ROBO2: variants seen among roughly 807,000 people sequenced by gnomAD.
The protein encoded by ROBO2 is roundabout guidance receptor 2, also known as roundabout homolog 2.
ROBO2 carries 53 observed loss-of-function variants against 160.8 expected under a neutral mutation model. The ratio of observed to expected loss-of-function variants is 0.33; its 90% CI spans 0.26 to 0.41. ROBO2 has a LOEUF of 0.41. ROBO2 is among the 10% of genes least tolerant of loss of function. ROBO2 has a pLI of 1.00. For missense variants in ROBO2, 1,577 were observed against 1,722.4 expected, an observed-to-expected ratio of 0.92 and a Z score of 1.49; for synonymous variants, 664 against 611.7, an observed-to-expected ratio of 1.09 and a Z score of -1.26.
At chr3:77,579,978 A>G (rs755939713) in exon 16 of ROBO2, 1 of 1,613,842 alleles carries the variant, frequency 6.2e-7, no homozygotes, top group Non-Finnish European at 8.5e-7. Context: ...ACGCGATTCC[A>G]TATCAACAAA....
chr3:76,819,015 G>A (rs2109097215), intron 2 of ROBO2, among the ~76,000 whole-genome samples: 1 of 152,092 alleles, frequency 6.6e-6, no homozygotes, highest in African/African-American at 2.4e-5. Flanking sequence ...TCAGAACCCA[G>A]GATAATGCAT....
intron 2 of ROBO2, among the ~76,000 whole-genome samples, chr3:76,036,800 G>A (rs9837282): frequency 0.013 from 2,024 of 152,040 alleles, 66 homozygotes; most frequent in African/African-American, 0.047. Flanking sequence ...CACTGTGCCC[G>A]GCCATTTCTC....
At chr3:76,121,882 A>C (rs576250582) in intron 2 of ROBO2, among the ~76,000 whole-genome samples, 1 of 152,150 alleles carries the variant, frequency 6.6e-6, no homozygotes, top group Non-Finnish European at 1.5e-5. Context: ...AGCCAAATAG[A>C]CTCTCTGAAT....
intron 2 of ROBO2, among the ~76,000 whole-genome samples, chr3:75,995,375 A>G (rs573168173): frequency 6.6e-6 from 1 of 152,302 alleles, no homozygotes; most frequent in African/African-American, 2.4e-5. Flanking sequence ...CCATTGCTTC[A>G]GAGGGTGCAA....
intron 2 of ROBO2, among the ~76,000 whole-genome samples, chr3:76,081,786 C>T (rs2068840904): frequency 6.6e-6 from 1 of 151,794 alleles, no homozygotes; most frequent in South Asian, 2.1e-4. Context: ...TAAGTTTGTA[C>T]AATTTCCCTT....
At chr3:77,371,242 A>G (rs1374243451) in intron 2 of ROBO2, among the ~76,000 whole-genome samples, 2 of 152,226 alleles carry the variant, frequency 1.3e-5, no homozygotes, top group Non-Finnish European at 2.9e-5. Context: ...ATCTCAAAAC[A>G]TAATTATGCA....
intron 2 of ROBO2, among the ~76,000 whole-genome samples, chr3:76,622,403 T>G (rs1445170294): frequency 6.6e-6 from 1 of 151,924 alleles, no homozygotes; most frequent in African/African-American, 2.4e-5. Flanking sequence ...AGTTCAAGGA[T>G]AGCATGAGCC....
intron 1 of ROBO2, chr3:75,906,984 C>T (rs1388593510): frequency 1.3e-5 from 2 of 152,336 alleles, no homozygotes; most frequent in African/African-American, 2.4e-5. Context: ...AGAGGTGAAC[C>T]GAGGGGTCTC....
intron 2 of ROBO2, among the ~76,000 whole-genome samples, chr3:76,126,037 C>A (rs2070971806): frequency 6.6e-6 from 1 of 151,974 alleles, no homozygotes; most frequent in African/African-American, 2.4e-5. Context: ...ATGTCTCTGA[C>A]CTCTGATCTC....
intron 2 of ROBO2, among the ~76,000 whole-genome samples, chr3:76,900,474 A>G (rs555964076): frequency 1.3e-5 from 2 of 152,206 alleles, no homozygotes; most frequent in East Asian, 3.9e-4. Context: ...CAATAAAAGT[A>G]TTTTCAATGT....
chr3:76,073,853 G>T (rs1280921189), intron 2 of ROBO2, among the ~76,000 whole-genome samples: 2 of 152,010 alleles, frequency 1.3e-5, no homozygotes, highest in Non-Finnish European at 2.9e-5. Context: ...ATGTGAACAA[G>T]GGTTCCCTTT....
Position 77,634,539 on chromosome 3 carries a change from A to G in ROBO2, c.3761-331A>G, listed in dbSNP as rs144761321. 644 of 287,758 alleles carry G rather than the reference A, an allele frequency of 2.2e-3. 1 individual carries two copies. Among genetic ancestry groups the G allele is most frequent in the Non-Finnish European group, 3.3e-3 (493 of 147,718 alleles). The allele number at this position is 287,758 out of a possible 1,614,324, so 17.8% of individuals were successfully genotyped here. A position where few individuals can be genotyped will look rare whatever the true frequency, so the allele number is the denominator to read the frequency against. ...AAATAAAAACTGCATGAATTTGCAT[A>G]TATCTTTGACAATATCAATAATATT... On this transcript the variant is annotated intron_variant, in intron 23 of 25. Coordinates refer to ENST00000461745, the Ensembl canonical transcript of ROBO2.
At chr3:77,046,635 G>T (rs2149660741) in intron 1 of ROBO2, among the ~76,000 whole-genome samples, 1 of 152,222 alleles carries the variant, frequency 6.6e-6, no homozygotes, top group Admixed American at 6.5e-5. Context: ...TAGACTCCAG[G>T]GATGCTTCAT....
At chr3:76,349,586 A>G (rs369536790) in intron 2 of ROBO2, among the ~76,000 whole-genome samples, 26 of 152,170 alleles carry the variant, frequency 1.7e-4, no homozygotes, top group African/African-American at 6.0e-4. Flanking sequence ...TGCTTAAGAT[A>G]TCAAGTTGCA....
intron 2 of ROBO2, among the ~76,000 whole-genome samples, chr3:76,004,827 A>G (rs1399259910): frequency 2.6e-5 from 4 of 152,188 alleles, no homozygotes; most frequent in African/African-American, 9.7e-5. Flanking sequence ...ACTACTGTAA[A>G]CATTTGTCAA....
rs531474800 is a variant in ROBO2, at chr3:76,991,909, C to T, written c.110-106105C>T. On this transcript the variant is annotated intron_variant, in intron 2 of 26. Coordinates refer to the ROBO2 transcript ENST00000487694. The stretch of plus-strand genomic sequence containing the variant: ...CATATATCCTCAAATGCAGGGTTAT[C>T]TGAAAAGCCTTTAATCAGATAGTCA... Among the ~76,000 whole-genome samples, 4 of 152,162 alleles carry T rather than the reference C, an allele frequency of 2.6e-5. No individual in the cohort carries two copies. In the East Asian group the frequency reaches 7.7e-4, roughly 29 times the overall value.
chr3:77,209,684 C>G (rs1192505090), intron 2 of ROBO2, among the ~76,000 whole-genome samples: 2 of 152,070 alleles, frequency 1.3e-5, no homozygotes, highest in African/African-American at 2.4e-5. Flanking sequence ...AAGAGTTGCA[C>G]AAAAACCATG....
At chr3:77,505,642 G>A (rs557147065) in intron 5 of ROBO2, among the ~76,000 whole-genome samples, 2 of 152,218 alleles carry the variant, frequency 1.3e-5, no homozygotes, top group East Asian at 3.9e-4. Context: ...TTCTGGAGGT[G>A]TTAAAATATA....
chr3:76,133,300 A>G (rs2071299957), intron 2 of ROBO2, among the ~76,000 whole-genome samples: 2 of 152,042 alleles, frequency 1.3e-5, no homozygotes, highest in Admixed American at 6.6e-5. Flanking sequence ...TTCCCAAAAG[A>G]CACTCAAAGT....
Sources: allele counts gnomAD v4.1 joint callset (sites outside exome capture counted in the v4.1 genomes callset), GRCh38; gene constraint gnomAD v4.1.1; transcripts MANE v1.5; gene names NCBI Gene and HGNC (gene_info 2026-07-23, HGNC 2026-07-21).